Variants in PCDHGA5 observed in about 807,000 individuals in gnomAD.
The protein encoded by PCDHGA5 is protocadherin gamma-A5.
Under a neutral mutation model 56.7 loss-of-function variants are expected in PCDHGA5, and 36 were observed. The observed-to-expected ratio is 0.64, with a 90% CI of 0.49 to 0.84. The LOEUF is 0.84. Among genes scored for constraint, PCDHGA5 ranks in the 40% least tolerant of loss-of-function variants. PCDHGA5 has a pLI of 0.00. For synonymous variants in PCDHGA5, 563 were observed against 520.2 expected (o/e 1.08, Z -1.12); for missense variants, 1,305 against 1,201.5 (o/e 1.09, Z -1.27).
At chr5:141,414,186 G>C in intron 1 of PCDHGA5, 1 of 1,609,824 alleles carries the variant, frequency 6.2e-7, no homozygotes, top group Non-Finnish European at 8.5e-7. Context: ...CTGCAAAAGT[G>C]TTGATTACAG....
chr5:141,459,939 G>A (rs377668643), intron 1 of PCDHGA5, among the ~76,000 whole-genome samples: 7 of 152,256 alleles, frequency 4.6e-5, no homozygotes, highest in Non-Finnish European at 7.4e-5. Flanking sequence ...GTAGCTGGGC[G>A]TGATGGCAGG....
rs2099605485 is a variant in PCDHGA5 at position 141,485,030 on chromosome 5, G to A, written c.2422-9777G>A. 1 of 674,340 alleles carries A rather than the reference G, an allele frequency of 1.5e-6. No individual in the cohort carries two copies. Among genetic ancestry groups the A allele is most frequent in the East Asian group, 2.6e-5 (1 of 38,292 alleles). The allele number at this position is 674,340 out of a possible 1,614,324, so 41.8% of individuals were successfully genotyped here. A position where few individuals can be genotyped will look rare whatever the true frequency, so the allele number is the denominator to read the frequency against. ...CTACCCCGCCACCAGCAAAAACGGC[G>A]CGTAACCCTTGCGGCGCCGGCCGAA... On this transcript the variant is annotated intron_variant, in intron 1 of 3. Transcript: ENST00000518069. The surrounding 1 kb of genome is among the most constrained non-coding windows in gnomAD (Gnocchi z 5.7).
chr5:141,384,282 C>T (rs1230546899), intron 1 of PCDHGA5: 3 of 1,613,858 alleles, frequency 1.9e-6, no homozygotes, highest in African/African-American at 1.3e-5. Flanking sequence ...CAGTCTACAT[C>T]GCTGAGAACA....
chr5:141,364,368 T>A lies in PCDHGA5; in HGVS notation c.38T>A (p.Leu13Gln), dbSNP rs1474327704. The change falls in exon 1 of 4, where the codon CTG becomes CAG. Residue 13 changes from leucine (L) to glutamine (Q), a missense_variant. Physicochemically the swap from Leu to Gln is moderately radical, Grantham distance 113 (BLOSUM62 -2). Transcript: ENST00000518069. ...CCTAGGGGCTGGGGCTGCGGAGAGC[T>A]GCTGCTGCCCTTCATGCTCCTGGGG... ...SPPRGWGCGE[L>Q]LLPFMLLGTL... The A allele has an allele frequency of 6.4e-7, 1 of 1,565,420 alleles. No individual in the cohort carries two copies. The highest frequency in any genetic ancestry group is 1.4e-5 in the African/African-American group (1 of 73,144).
chr5:141,392,640 A>T, intron 1 of PCDHGA5: 1 of 651,284 alleles, frequency 1.5e-6, no homozygotes, highest in Non-Finnish European at 2.5e-6. Context: ...CTCACACCTC[A>T]CGAAGACCCG....
At chr5:141,419,555 G>A (rs1411289369) in intron 1 of PCDHGA5, 3 of 1,611,876 alleles carry the variant, frequency 1.9e-6, no homozygotes, top group South Asian at 1.1e-5. Context: ...GCTGTACCCT[G>A]CGCTGGGTCC....
chr5:141,418,985 T>G, intron 1 of PCDHGA5: 1 of 1,613,882 alleles, frequency 6.2e-7, no homozygotes, highest in Non-Finnish European at 8.5e-7. Context: ...GGACCAAGAC[T>G]CAGGGGAAAA....
intron 1 of PCDHGA5, among the ~76,000 whole-genome samples, chr5:141,425,382 G>A (rs1455106607): frequency 1.3e-5 from 2 of 152,208 alleles, no homozygotes; most frequent in African/African-American, 4.8e-5. Context: ...TTGATTCGGA[G>A]GTAGTGATAA....
At chr5:141,413,528 T>C in intron 1 of PCDHGA5, 1 of 1,613,834 alleles carries the variant, frequency 6.2e-7, no homozygotes, top group Non-Finnish European at 8.5e-7. Context: ...GAAGACAGGG[T>C]GAAACTTTTT....
chr5:141,368,426 C>T (rs998020099), intron 1 of PCDHGA5, among the ~76,000 whole-genome samples: 8 of 151,928 alleles, frequency 5.3e-5, no homozygotes, highest in African/African-American at 1.9e-4. Context: ...GACATTCTGA[C>T]CAAAATGTAA....
rs371821042 is a variant in PCDHGA5, at chr5:141,421,764, T to C, written c.2421+55013T>C. The C allele has an allele frequency of 8.7e-6, 14 of 1,613,782 alleles. No individual in the cohort carries two copies. The African/African-American group carries it at 1.5e-4, about 17-fold the overall frequency. ...ACCAGCTCAGCCCTAATAATTACTT[T>C]TCCTTGCAACTGCGGGGCAGAACGG... On this transcript the variant is annotated intron_variant, in intron 1 of 3. Transcript: ENST00000518069.
intron 1 of PCDHGA5, among the ~76,000 whole-genome samples, chr5:141,461,054 T>C (rs984461416): frequency 6.6e-6 from 1 of 151,758 alleles, no homozygotes; most frequent in African/African-American, 2.4e-5. Context: ...GGGACTTAGG[T>C]TGGTTTCACA....
chr5:141,422,809 G>A (rs1169197801), intron 1 of PCDHGA5: 8 of 1,614,232 alleles, frequency 5.0e-6, no homozygotes, highest in Non-Finnish European at 6.8e-6. Context: ...GCAGTTTCGA[G>A]ACTTAGAACT....
intron 1 of PCDHGA5, chr5:141,391,283 A>G (rs2092334879): frequency 6.6e-6 from 1 of 152,120 alleles, no homozygotes; most frequent in African/African-American, 2.4e-5. Context: ...CAAATTGCTG[A>G]AAGAAGGAAA....
chr5:141,440,780 C>T (rs748247053), intron 1 of PCDHGA5: 1 of 152,158 alleles, frequency 6.6e-6, no homozygotes, highest in African/African-American at 2.4e-5. Flanking sequence ...GTGCTAGCAG[C>T]CTTAGACGGC....
At chr5:141,386,308 A>G (rs1057447717) in intron 1 of PCDHGA5, among the ~76,000 whole-genome samples, 5 of 152,236 alleles carry the variant, frequency 3.3e-5, no homozygotes, top group African/African-American at 4.8e-5. Flanking sequence ...AAAGCTCAGT[A>G]TATCAAGTGA....
intron 1 of PCDHGA5, chr5:141,429,110 T>A (rs2097186231): frequency 6.6e-6 from 1 of 151,978 alleles, no homozygotes; most frequent in Non-Finnish European, 1.5e-5. Context: ...CGCCTCGGCC[T>A]CCCAAAGTGC....
chr5:141,418,969 A>C, intron 1 of PCDHGA5: 1 of 1,614,028 alleles, frequency 6.2e-7, no homozygotes, highest in Non-Finnish European at 8.5e-7. Flanking sequence ...CCCTCTTCAA[A>C]ACACGGGACC....
Position 141,476,264 on chromosome 5 carries a change from G to C in PCDHGA5, c.2422-18543G>C, listed in dbSNP as rs753184649. The C allele has an allele frequency of 6.2e-7, 1 of 1,614,082 alleles. No individual in the cohort carries two copies. Among genetic ancestry groups the C allele is most frequent in the Non-Finnish European group, 8.5e-7 (1 of 1,180,010 alleles). On this transcript the variant is annotated intron_variant, in intron 1 of 3. Transcript: ENST00000518069. This position sits in a 1 kb window ranked among gnomAD's most constrained non-coding sequence, Gnocchi z 7.6. ...AGAGAAGGGTTTCGCTGTGGGCAAC[G>C]TGGTCGCGAACCTTGGTTTGGATCT...
Sources: allele counts gnomAD v4.1 joint callset (sites outside exome capture counted in the v4.1 genomes callset), GRCh38; gene constraint gnomAD v4.1.1; non-coding constraint Gnocchi (gnomAD v3.1); transcripts MANE v1.5; gene names NCBI Gene and HGNC (gene_info 2026-07-23, HGNC 2026-07-21).